CFLAR: variants seen among roughly 807,000 people sequenced by gnomAD.
CFLAR encodes CASP8 and FADD like apoptosis regulator.
Under a neutral mutation model 51.1 loss-of-function variants are expected in CFLAR, and 14 were observed. That is an observed-to-expected ratio of 0.27 (90% CI 0.18 to 0.43). The LOEUF is 0.43. Among genes scored for constraint, CFLAR ranks in the 20% least tolerant of loss-of-function variants. The probability of loss-of-function intolerance (pLI) is 1.00; values close to 1 mark genes in which losing one functional copy is unlikely to be tolerated. For missense variants in CFLAR, 390 were observed against 566.5 expected (o/e 0.69, Z 3.16); for synonymous variants, 210 against 211.6 (o/e 0.99, Z 0.06).
intron 8 of CFLAR, 139 bp from the exon 9 acceptor site, chr2:201,160,293 C>A: frequency 1.1e-6 from 1 of 910,672 alleles, no homozygotes. Context: ...CTGCCCAGGA[C>A]TCAGGCACAT....
intron 1 of CFLAR, among the ~76,000 whole-genome samples, chr2:201,122,938 A>G (rs1285731674): frequency 6.6e-6 from 1 of 152,178 alleles, no homozygotes; most frequent in Non-Finnish European, 1.5e-5. Flanking sequence ...CTATAGTATT[A>G]TGCACAATTT....
chr2:201,144,977 T>TGA (rs1418845482), intron 5 of CFLAR, among the ~76,000 whole-genome samples: 1 of 152,090 alleles, frequency 6.6e-6, no homozygotes, highest in Non-Finnish European at 1.5e-5. Flanking sequence ...CTCAGCCTCC[T>TGA]GAGAAGCTGG....
At chr2:201,117,118 CT>C (rs1663945255) in intron 1 of CFLAR, 1 of 152,172 alleles carries the variant, frequency 6.6e-6, no homozygotes, top group Non-Finnish European at 1.5e-5. Flanking sequence ...AGCCGCCGCC[CT>C]GGAGGGAATT....
At chr2:201,159,937 C>G (rs1424509074) in intron 8 of CFLAR, among the ~76,000 whole-genome samples, 5 of 152,096 alleles carry the variant, frequency 3.3e-5, no homozygotes, top group Non-Finnish European at 5.9e-5. Context: ...GGCTCCACTT[C>G]TATGGTGGTC....
chr2:201,138,470 C>T lies in CFLAR; in HGVS notation c.524-1887C>T. On this transcript the variant is annotated intron_variant, in intron 4 of 9. Coordinates refer to ENST00000309955, the MANE Select transcript of CFLAR (RefSeq NM_003879.7). This position sits in a 1 kb window ranked among gnomAD's most constrained non-coding sequence, Gnocchi z 4.0. ...TTACTAAGCTGCAGGATCTCATTTGCCTCTTTCAACCTCACACTGCTGGAG... is the reference window on the plus strand; with the variant it reads ...TTACTAAGCTGCAGGATCTCATTTGTCTCTTTCAACCTCACACTGCTGGAG... 2.1e-6 allele frequency: 2 copies of T among 959,814 alleles called. No individual in the cohort carries two copies. Among genetic ancestry groups the T allele is most frequent in the Non-Finnish European group, 3.4e-6 (2 of 592,634 alleles). 59.5% of individuals were successfully genotyped at this position (959,814 alleles called of 1,614,324 possible).
chr2:201,137,904 A>G (rs2050360115), intron 4 of CFLAR: 2 of 772,402 alleles, frequency 2.6e-6, no homozygotes, highest in Non-Finnish European at 4.8e-6. Context: ...CAGGGAGCCC[A>G]TCATCACTGT....
intron 5 of CFLAR, among the ~76,000 whole-genome samples, chr2:201,141,106 C>CCTAT (rs1283595457): frequency 6.6e-6 from 1 of 151,990 alleles, no homozygotes; most frequent in Non-Finnish European, 1.5e-5. Flanking sequence ...GTGGCAGGTG[C>CCTAT]CTATAATCCC....
At chr2:201,137,949 C>T in intron 4 of CFLAR, 1 of 757,976 alleles carries the variant, frequency 1.3e-6, no homozygotes, top group Non-Finnish European at 2.5e-6. Flanking sequence ...GACCACATGC[C>T]CCATGGTCTG....
intron 6 of CFLAR, chr2:201,148,348 G>T (rs920500757): frequency 2.0e-5 from 3 of 150,822 alleles, no homozygotes; most frequent in African/African-American, 7.3e-5. Flanking sequence ...GTCTCGCTCT[G>T]TTGCCCACTT....
intron 3 of CFLAR, among the ~76,000 whole-genome samples, chr2:201,133,579 G>A (rs1029482440): frequency 2.6e-5 from 4 of 152,020 alleles, no homozygotes; most frequent in Non-Finnish European, 4.4e-5. Context: ...GGAGTGGGGT[G>A]GGGGGAGGTT....
chr2:201,145,363 T>C lies in CFLAR; in HGVS notation c.607-15T>C, dbSNP rs1169769594. ...TAACTAACAGGAAGTATGACCTTAT[T>C]CTTTGTATTTGAAGCTCCATAATGG... is the stretch of plus-strand genomic sequence containing the variant. On this transcript the variant is annotated splice_polypyrimidine_tract_variant and intron_variant, in intron 5 of 9. Transcript: ENST00000309955. The C allele has an allele frequency of 6.4e-7, 1 of 1,555,500 alleles. No homozygotes were observed. Among genetic ancestry groups the C allele is most frequent in the Admixed American group, 1.7e-5 (1 of 59,492 alleles).
chr2:201,167,736 T>C lies in CFLAR; in HGVS notation c.*3763T>C, dbSNP rs1318535888. 6.6e-6 allele frequency: 1 copy of C among 152,176 alleles called. No homozygotes were observed. The highest frequency in any genetic ancestry group is 6.5e-5 in the Admixed American group (1 of 15,276). The allele number at this position is 152,176 out of a possible 1,614,324, so 9.4% of individuals were successfully genotyped here. ...AACTACCTAGCAGCTCTAGCTGCCA[T>C]CTTGAACCATGAAGATACGGGCCAC... On this transcript the variant is annotated 3_prime_UTR_variant, in exon 10 of 10. Coordinates refer to ENST00000309955, the MANE Select transcript of CFLAR (RefSeq NM_003879.7).
intron 1 of CFLAR, among the ~76,000 whole-genome samples, chr2:201,121,421 A>G (rs2048176612): frequency 1.3e-5 from 2 of 152,192 alleles, no homozygotes; most frequent in African/African-American, 2.4e-5. Flanking sequence ...CCAGGAATGT[A>G]AAGGAACCTA....
chr2:201,139,986 C>T (rs1035944778), intron 4 of CFLAR: 3 of 274,422 alleles, frequency 1.1e-5, no homozygotes, highest in South Asian at 3.0e-5. Flanking sequence ...AACCCGTCCT[C>T]GACCACGTAG....
rs1467429278 is a variant in CFLAR, at chr2:201,160,950, C to T, written c.1304+8C>T. The T allele has an allele frequency of 1.2e-6, 2 of 1,605,686 alleles. No homozygotes were observed. The highest frequency in any genetic ancestry group is 2.2e-5 in the East Asian group (1 of 44,754). On this transcript the variant is annotated splice_region_variant and intron_variant, in intron 9 of 9. Coordinates refer to ENST00000309955, the MANE Select transcript of CFLAR (RefSeq NM_003879.7). ...GAAACTGAGACAAGAAAGGTGAGCC[C>T]CCAGGAGGTGGTCAGTTCCGGACCA...
At chr2:201,161,422 T>TTA (rs1942991547) in intron 9 of CFLAR, among the ~76,000 whole-genome samples, 4 of 149,650 alleles carry the variant, frequency 2.7e-5, no homozygotes, top group African/African-American at 9.8e-5. Context: ...TTTTATTTAT[T>TTA]TTTTTTTTTG....
intron 9 of CFLAR, chr2:201,163,103 G>T: frequency 1.3e-6 from 1 of 747,286 alleles, no homozygotes; most frequent in South Asian, 1.4e-5. Context: ...AGCTTTATAG[G>T]AGAGTAGCTG....
In CFLAR at chr2:201,160,867, T is replaced by C. The variant is rs1296256205; in HGVS notation, c.1229T>C (p.Met410Thr). The C allele has an allele frequency of 6.2e-7, 1 of 1,612,296 alleles. No homozygotes were observed. The highest frequency in any genetic ancestry group is 8.5e-7 in the Non-Finnish European group (1 of 1,178,892). The change falls in exon 9 of 10, where the codon ATG becomes ACG. Residue 410 changes from methionine to threonine, a missense_variant. Transcript: ENST00000309955. Reference protein sequence around the residue: ...DFFWSLCTADMSLLEQSHSSP... With the variant: ...DFFWSLCTADTSLLEQSHSSP... ...TTCTGGAGCCTGTGTACTGCGGACATGTCCCTGCTGGAGCAGTCTCACAGC... is the reference window on the plus strand; with the variant it reads ...TTCTGGAGCCTGTGTACTGCGGACACGTCCCTGCTGGAGCAGTCTCACAGC...
chr2:201,138,542 G>A lies in CFLAR; in HGVS notation c.524-1815G>A, dbSNP rs1040662688. ...GCATCATCACCTCACTGAGGAGGGT[G>A]GTGTGGTCCTTCTCAGCAAGAAAGT... On this transcript the variant is annotated intron_variant, in intron 4 of 9. Transcript: ENST00000309955. This position sits in a 1 kb window ranked among gnomAD's most constrained non-coding sequence, Gnocchi z 4.0. The A allele has an allele frequency of 1.1e-5, 18 of 1,576,942 alleles. No homozygotes were observed. The African/African-American group carries it at 2.4e-4, about 21-fold the overall frequency.
Sources: allele counts gnomAD v4.1 joint callset (sites outside exome capture counted in the v4.1 genomes callset), GRCh38; gene constraint gnomAD v4.1.1; non-coding constraint Gnocchi (gnomAD v3.1); transcripts MANE v1.5; gene names NCBI Gene and HGNC (gene_info 2026-07-23, HGNC 2026-07-21).